The following LRP1 variants were observed in gnomAD, a reference collection of about 807,000 sequenced individuals.
The protein encoded by LRP1 is LDL receptor related protein 1, also known as prolow-density lipoprotein receptor-related protein 1.
Under a neutral mutation model 541.5 loss-of-function variants are expected in LRP1, and 51 were observed. The observed-to-expected ratio is 0.09, with a 90% CI of 0.08 to 0.12. LRP1 has a LOEUF of 0.12. Ranked by LOEUF, LRP1 falls within the 10% of genes least tolerant of loss-of-function variation. LRP1 has a pLI of 1.00. For missense variants in LRP1, 3,878 were observed against 6,376.2 expected, an observed-to-expected ratio of 0.61 and a Z score of 13.34; for synonymous variants, 2,219 against 2,470.8, an observed-to-expected ratio of 0.90 and a Z score of 3.02.
intron 6 of LRP1, among the ~76,000 whole-genome samples, chr12:57,152,700 T>C (rs1451623176): frequency 1.3e-5 from 2 of 151,450 alleles, no homozygotes; most frequent in African/African-American, 4.9e-5. Flanking sequence ...TGGGGATGCA[T>C]GAATACTTAC....
chr12:57,169,357 C>G (rs1381577445), intron 20 of LRP1, 50 bp downstream of exon 20: 11 of 1,510,894 alleles, frequency 7.3e-6, no homozygotes, highest in Non-Finnish European at 9.9e-6. Context: ...CCCCCTGCAT[C>G]AGACACCCAG....
chr12:57,179,116 A>C lies in LRP1; in HGVS notation c.4738+95A>C. ...CGGTTGTCAGCTAAGGCAGAGTCCC[A>C]GTCGGGAGGGTCCCGATAGGAGAGG... On this transcript the variant is annotated intron_variant, in intron 28 of 88. Transcript: ENST00000243077. This position sits in a 1 kb window ranked among gnomAD's most constrained non-coding sequence, Gnocchi z 6.8. The C allele has an allele frequency of 4.0e-6, 6 of 1,506,582 alleles. No individual in the cohort carries two copies. The highest frequency in any genetic ancestry group is 5.4e-6 in the Non-Finnish European group (6 of 1,120,788). The allele number at this position is 1,506,582 out of a possible 1,614,324, so 93.3% of individuals were successfully genotyped here.
Position 57,204,704 on chromosome 12 carries a change from G to A in LRP1, c.11149G>A (p.Asp3717Asn). Reference protein sequence around the residue: ...RVCLWIGRQCDGTDNCGDGTD... With the variant: ...RVCLWIGRQCNGTDNCGDGTD... ...CTGTCTGTGGATCGGGCGCCAATGC[G>A]ATGGCACGGACAACTGTGGGGATGG... The change falls in exon 72 of 89, where the codon GAT becomes AAT. Residue 3717 changes from aspartate (D) to asparagine (N), a missense_variant. Physicochemically the swap from Asp to Asn is conservative, Grantham distance 23. Transcript: ENST00000243077. This position sits in a 1 kb window ranked among gnomAD's most constrained non-coding sequence, Gnocchi z 5.3. 1.2e-6 allele frequency: 2 copies of A among 1,614,056 alleles called. No homozygotes were observed. Among genetic ancestry groups the A allele is most frequent in the Non-Finnish European group, 1.7e-6 (2 of 1,180,020 alleles).
chr12:57,130,325 T>C (rs35616842), intron 1 of LRP1, among the ~76,000 whole-genome samples: 21,577 of 152,048 alleles, frequency 0.14, 1,748 homozygotes, highest in African/African-American at 0.19. Context: ...CTTGCTTCAA[T>C]TGGGGGAGGA....
Position 57,199,906 on chromosome 12 carries a change from G to A in LRP1, c.9895G>A (p.Gly3299Ser), listed in dbSNP as rs1211162039. Residue 3299 changes from glycine (G) to serine (S), a missense_variant, in exon 62 of 89, where the codon GGT (glycine) becomes AGT (serine). Physicochemically the swap from Gly to Ser is moderately conservative, Grantham distance 56. This residue lies in a region of LRP1 where 1,100 missense variants were observed against 1,827.4 expected (regional missense o/e 0.60). Coordinates refer to ENST00000243077, the MANE Select transcript of LRP1 (RefSeq NM_002332.3). The stretch of plus-strand genomic sequence containing the variant: ...CAATCACCCCTGCAAGGTCAACAAT[G>A]GTGGCTGCAGCAACCTGTGCCTGCT... ...VPNHPCKVNN[G>S]GCSNLCLLSP... 2.5e-6 allele frequency: 4 copies of A among 1,595,304 alleles called. No homozygotes were observed. The highest frequency in any genetic ancestry group is 1.7e-4 in the Middle Eastern group (1 of 6,000).
rs369555013 is a variant in LRP1, at chr12:57,193,586, A to C, written c.7705A>C (p.Thr2569Pro). ...TGCAGACTCCCGCCGCTGCAAGAAG[A>C]CTTTCCGGCAGTGCAGCAATGGGCG... ...SYCNSRRCKKTFRQCSNGRCV... is the reference protein window; with the variant it reads ...SYCNSRRCKKPFRQCSNGRCV... Residue 2569 changes from threonine (T) to proline (P), a missense_variant, in exon 47 of 89, where the codon ACT becomes CCT. Physicochemically the swap from Thr to Pro is conservative, Grantham distance 38. Coordinates refer to ENST00000243077, the MANE Select transcript of LRP1 (RefSeq NM_002332.3). 1.9e-6 allele frequency: 3 copies of C among 1,613,898 alleles called. No individual in the cohort carries two copies. Among genetic ancestry groups the C allele is most frequent in the Non-Finnish European group, 2.5e-6 (3 of 1,179,982 alleles).
chr12:57,131,443 G>A (rs1216531277), intron 1 of LRP1, among the ~76,000 whole-genome samples: 1 of 152,144 alleles, frequency 6.6e-6, no homozygotes, highest in African/African-American at 2.4e-5. Context: ...ACAGCTCACA[G>A]AATAAGGCTG....
chr12:57,191,402 G>A lies in LRP1; in HGVS notation c.7319G>A (p.Arg2440Gln). ...ATTTTCTGGACTGACTGGGTGCGGC[G>A]GGCAGTGCAGCGGGCCAACAAGCAC... ...EHIFWTDWVR[R>Q]AVQRANKHVG... Residue 2440 changes from arginine to glutamine, a missense_variant, in exon 44 of 89, where the codon CGG becomes CAG. Coordinates refer to ENST00000243077, the MANE Select transcript of LRP1 (RefSeq NM_002332.3). The A allele has an allele frequency of 1.2e-6, 2 of 1,613,408 alleles. No homozygotes were observed. The highest frequency in any genetic ancestry group is 1.7e-5 in the Admixed American group (1 of 59,966).
intron 67 of LRP1, 103 bp from the exon 68 acceptor site, chr12:57,202,318 G>A: frequency 1.1e-6 from 1 of 909,066 alleles, no homozygotes; most frequent in East Asian, 2.4e-5. Context: ...TTCCCAAGCT[G>A]GGATGCCCAC....
rs979008865 is a variant in LRP1 at position 57,184,277 on chromosome 12, C to T, written c.6060-49C>T. On this transcript the variant is annotated intron_variant, in intron 37 of 88. Transcript: ENST00000243077. This position sits in a 1 kb window ranked among gnomAD's most constrained non-coding sequence, Gnocchi z 7.8. The stretch of plus-strand genomic sequence containing the variant: ...ATGGCCCATGCTGATGAGGCCCTGT[C>T]TCCTCCAGGGTCTGAGGACTGACCC... 2 of 1,613,910 alleles carry T rather than the reference C, an allele frequency of 1.2e-6. No individual in the cohort carries two copies. Among genetic ancestry groups the T allele is most frequent in the African/African-American group, 1.3e-5 (1 of 75,050 alleles).
chr12:57,195,074 G>A lies in LRP1; in HGVS notation c.8281G>A (p.Asp2761Asn). Residue 2761 changes from aspartate (D) to asparagine (N), a missense_variant, in exon 51 of 89, where the codon GAT (aspartate) becomes AAT (asparagine). Around this residue, in one of 13 missense-constraint regions of LRP1, gnomAD observed 1,100 missense variants for 1,827.4 expected, o/e 0.60. Transcript: ENST00000243077. ...WLCDGSDDCG[D>N]GSDEAAHCEG... Reference sequence around the variant, plus strand: ...GTGTGACGGCAGCGATGACTGTGGGGATGGCTCAGACGAGGCTGCTCACTG... The same window carrying A: ...GTGTGACGGCAGCGATGACTGTGGGAATGGCTCAGACGAGGCTGCTCACTG... The A allele has an allele frequency of 6.2e-7, 1 of 1,614,026 alleles. No individual in the cohort carries two copies. Among genetic ancestry groups the A allele is most frequent in the African/African-American group, 1.3e-5 (1 of 75,058 alleles).
intron 19 of LRP1, among the ~76,000 whole-genome samples, chr12:57,168,626 G>C (rs1234689543): frequency 6.6e-6 from 1 of 152,166 alleles, no homozygotes; most frequent in Non-Finnish European, 1.5e-5. Context: ...CCTTCAGCCA[G>C]CCTCAGCGAG....
intron 81 of LRP1, 21 bp from the exon 82 acceptor site, chr12:57,210,286 C>T: frequency 6.5e-7 from 1 of 1,549,476 alleles, no homozygotes; most frequent in Non-Finnish European, 8.7e-7. Flanking sequence ...GGCTCTGCCC[C>T]TTGACGGGCC....
chr12:57,159,904 A>T lies in LRP1; in HGVS notation c.1878A>T (p.Thr626=). 6.2e-7 allele frequency: 1 copy of T among 1,614,144 alleles called. No individual in the cohort carries two copies. The highest frequency in any genetic ancestry group is 8.5e-7 in the Non-Finnish European group (1 of 1,180,018). The part of the protein sequence containing the change: ...LYWTDDGPKK[T]ISVARLEKAA... ...GGACGGACGATGGGCCCAAAAAGAC[A>T]ATCAGCGTGGCCAGGCTGGAGAAAG... The change falls in exon 12 of 89, where the codon ACA becomes ACT. Residue 626 remains threonine (T), a synonymous_variant. Transcript: ENST00000243077.
Position 57,202,543 on chromosome 12 carries a change from T to TGGGGC in LRP1, c.10711+6_10711+7insGGGGC. 2.0e-4 allele frequency: 308 copies of TGGGGC among 1,522,470 alleles called. No homozygotes were observed. The highest frequency in any genetic ancestry group is 2.6e-4 in the Non-Finnish European group (287 of 1,123,738). 94.3% of individuals were successfully genotyped at this position (1,522,470 alleles called of 1,614,324 possible). A position where few individuals can be genotyped will look rare whatever the true frequency, so the allele number is the denominator to read the frequency against. ...CTCCGATGAAGAGAGCTGCAGTACG[T>TGGGGC]CCCCACCCACCCAGCCCCGCATGAG... On this transcript the variant is annotated splice_region_variant and intron_variant, in intron 68 of 88. Transcript: ENST00000243077.
intron 3 of LRP1, among the ~76,000 whole-genome samples, chr12:57,142,532 C>T (rs1377225506): frequency 6.6e-6 from 1 of 152,110 alleles, no homozygotes; most frequent in Non-Finnish European, 1.5e-5. Flanking sequence ...ATGCAGAATG[C>T]GGGCCTGGGG....
chr12:57,162,230 A>G lies in LRP1; in HGVS notation c.2203-87A>G. 4 of 1,160,440 alleles carry G rather than the reference A, an allele frequency of 3.4e-6. No individual in the cohort carries two copies. Among genetic ancestry groups the G allele is most frequent in the Non-Finnish European group, 5.2e-6 (4 of 773,750 alleles). 71.9% of individuals were successfully genotyped at this position (1,160,440 alleles called of 1,614,324 possible). ...ACAAAGCAAAACCCATGCCCAGGAC[A>G]TAGACAAATGAATGTACAAAACAGT... On this transcript the variant is annotated intron_variant, in intron 13 of 88. Transcript: ENST00000243077. The surrounding 1 kb of genome is among the most constrained non-coding windows in gnomAD (Gnocchi z 5.2).
In LRP1 at chr12:57,156,981, T is replaced by TC; in HGVS notation, c.1561+66dup. ...AGGCTGCGGGAGGGTTCCTCAGGTG[T>TC]CCCCCACAGCCCGGCTGCCTCTGTC... On this transcript the variant is annotated intron_variant, in intron 10 of 88. Coordinates refer to ENST00000243077, the MANE Select transcript of LRP1 (RefSeq NM_002332.3). The surrounding 1 kb of genome is among the most constrained non-coding windows in gnomAD (Gnocchi z 5.2). 2.0e-6 allele frequency: 3 copies of TC among 1,479,886 alleles called. No homozygotes were observed. The highest frequency in any genetic ancestry group is 2.7e-5 in the South Asian group (2 of 73,648). 91.7% of individuals were successfully genotyped at this position (1,479,886 alleles called of 1,614,324 possible).
At position 57,179,551 on chromosome 12, in the gene LRP1, C is replaced by T; in HGVS notation, c.4961C>T (p.Ser1654Phe). 6.2e-7 allele frequency: 1 copy of T among 1,613,710 alleles called. No individual in the cohort carries two copies. The highest frequency in any genetic ancestry group is 1.7e-5 in the Admixed American group (1 of 59,998). The change falls in exon 29 of 89, where the codon TCT becomes TTT. Residue 1654 changes from serine to phenylalanine, a missense_variant. Ser to Phe is a radical substitution (Grantham distance 155). Transcript: ENST00000243077. The surrounding 1 kb of genome is among the most constrained non-coding windows in gnomAD (Gnocchi z 6.8). Reference sequence around the variant, plus strand: ...GGCACAGGCGTGGAGACAGTCGTCTCTGCAGGTTCTTCCTGGCCCTGGATG... The same window carrying T: ...GGCACAGGCGTGGAGACAGTCGTCTTTGCAGGTTCTTCCTGGCCCTGGATG... ...INGTGVETVV[S>F]ADLPNAHGLA...
Sources: gnomAD v4.1 joint callset for allele counts (sites outside exome capture counted in the v4.1 genomes callset) on GRCh38, gnomAD v4.1.1 for gene constraint, gnomAD v4.1.1 regional missense constraint, Gnocchi (gnomAD v3.1) non-coding constraint, MANE v1.5 for transcripts, NCBI Gene and HGNC (gene_info 2026-07-23, HGNC 2026-07-21) for gene names.